Variants in MEF2C observed in about 807,000 individuals in gnomAD.
MEF2C encodes the protein myocyte-specific enhancer factor 2C.
In MEF2C, 6 loss-of-function variants were observed where a neutral mutation model predicts 50.5. That is an observed-to-expected ratio of 0.12 (90% confidence interval 0.07 to 0.23). MEF2C has a LOEUF of 0.23. Ranked by LOEUF, MEF2C falls within the 10% of genes least tolerant of loss-of-function variation. The probability of loss-of-function intolerance (pLI) is 1.00; values close to 1 mark genes in which losing one functional copy is unlikely to be tolerated. For synonymous variants in MEF2C, 183 were observed against 228.0 expected (o/e 0.80, Z 1.78); for missense variants, 276 against 605.0 (o/e 0.46, Z 5.70).
intron 1 of MEF2C, among the ~76,000 whole-genome samples, chr5:88,892,854 T>C (rs1834740421): frequency 6.6e-6 from 1 of 152,280 alleles, no homozygotes; most frequent in South Asian, 2.1e-4. Flanking sequence ...CCGCTCAGAT[T>C]GTCTCCTGAT....
intron 6 of MEF2C, chr5:88,746,650 C>T (rs1054374688): frequency 1.8e-5 from 18 of 985,300 alleles, no homozygotes; most frequent in Non-Finnish European, 1.9e-5. Flanking sequence ...TAGCAACATT[C>T]TGGCTGGCCT....
chr5:88,893,437 G>A (rs1437130411), intron 1 of MEF2C, among the ~76,000 whole-genome samples: 1 of 151,574 alleles, frequency 6.6e-6, no homozygotes, highest in African/African-American at 2.4e-5. Context: ...TGGCCAGGTT[G>A]GTCTTGAACT....
At chr5:88,812,570 T>C (rs1216970826) in intron 2 of MEF2C, among the ~76,000 whole-genome samples, 1 of 152,038 alleles carries the variant, frequency 6.6e-6, no homozygotes, top group African/African-American at 2.4e-5. Context: ...ATTTCTTATA[T>C]TATTTTTTAG....
intron 10 of MEF2C, among the ~76,000 whole-genome samples, chr5:88,723,520 G>C (rs1481138780): frequency 6.6e-6 from 1 of 152,116 alleles, no homozygotes; most frequent in South Asian, 2.1e-4. Flanking sequence ...AAGCTTTGGA[G>C]GTGGAAAAAA....
Position 88,800,362 on chromosome 5 carries a change from C to T in MEF2C, c.258+4236G>A, listed in dbSNP as rs148821258. On this transcript the variant is annotated intron_variant, in intron 3 of 10. Coordinates refer to ENST00000504921, the MANE Select transcript of MEF2C (RefSeq NM_002397.5). ...ATACTGCATTAATGAGGTTATTGTT[C>T]CTTTGCCGTCCAATTGTTCCCAAGC... 4.1e-4 allele frequency among the ~76,000 whole-genome samples: 62 copies of T among 152,302 alleles called. 1 individual carries two copies. The East Asian group carries it at 9.6e-3, about 24-fold the overall frequency.
At chr5:88,844,075 G>T (rs1818447320) in intron 1 of MEF2C, among the ~76,000 whole-genome samples, 1 of 152,158 alleles carries the variant, frequency 6.6e-6, no homozygotes, top group African/African-American at 2.4e-5. Context: ...TTCCCAAAGT[G>T]CTGGGATTAC....
At chr5:88,763,074 C>T (rs181365867) in intron 3 of MEF2C, among the ~76,000 whole-genome samples, 5 of 152,196 alleles carry the variant, frequency 3.3e-5, no homozygotes, top group Admixed American at 3.3e-4. Context: ...GCTATGATTT[C>T]TAATATATCT....
intron 1 of MEF2C, among the ~76,000 whole-genome samples, chr5:88,848,680 A>T (rs1282200995): frequency 1.3e-5 from 2 of 152,128 alleles, no homozygotes; most frequent in African/African-American, 2.4e-5. Context: ...AAAAAAATTG[A>T]CACTCCTGGG....
At chr5:88,808,358 G>A (rs577374779) in intron 2 of MEF2C, among the ~76,000 whole-genome samples, 1 of 152,188 alleles carries the variant, frequency 6.6e-6, no homozygotes, top group South Asian at 2.1e-4. Flanking sequence ...AATACAGTAT[G>A]GTTTCTGTTG....
chr5:88,728,408 G>A (rs753465937), intron 10 of MEF2C, 85 bp downstream of exon 10: 7 of 1,054,724 alleles, frequency 6.6e-6, no homozygotes, highest in Non-Finnish European at 8.7e-6. Context: ...CCCGTTAATG[G>A]GATATTGAAG....
intron 1 of MEF2C, among the ~76,000 whole-genome samples, chr5:88,865,348 G>A (rs1316551576): frequency 6.6e-6 from 1 of 152,080 alleles, no homozygotes; most frequent in African/African-American, 2.4e-5. Context: ...GTTTTCTAAC[G>A]AATTCTGCTT....
Position 88,804,682 on chromosome 5 carries a change from G to A in MEF2C, c.174C>T (p.Ala58=). The change falls in exon 3 of 11, where the codon GCC becomes GCT. Residue 58 remains alanine, a synonymous_variant. Coordinates refer to ENST00000504921, the MANE Select transcript of MEF2C (RefSeq NM_002397.5). ...GAAGCACTTTGTCCATGTCGGTGCTGGCATACTGGAACAGCTTGTTGGTGC... is the reference window on the plus strand; with the variant it reads ...GAAGCACTTTGTCCATGTCGGTGCTAGCATACTGGAACAGCTTGTTGGTGC... ...FNSTNKLFQY[A]STDMDKVLLK... 6.2e-7 allele frequency: 1 copy of A among 1,614,082 alleles called. No homozygotes were observed. Among genetic ancestry groups the A allele is most frequent in the South Asian group, 1.1e-5 (1 of 91,082 alleles).
At chr5:88,888,578 A>G (rs1488696499) in intron 1 of MEF2C, among the ~76,000 whole-genome samples, 5 of 152,324 alleles carry the variant, frequency 3.3e-5, no homozygotes, top group African/African-American at 9.6e-5. Context: ...GTCACTACCA[A>G]GTGATTTGGT....
At position 88,819,100 on chromosome 5, in the gene MEF2C, G is replaced by C. The variant is rs568386221; in HGVS notation, c.54+4635C>G. Among the ~76,000 whole-genome samples, 8 of 151,910 alleles carry C rather than the reference G, an allele frequency of 5.3e-5. No homozygotes were observed. In the South Asian group the frequency reaches 1.7e-3, roughly 32 times the overall value. Reference sequence around the variant, plus strand: ...AGAGGGTCTAAGTAACTTGCTAGAGGGTCACATAGCTAGTAAGTGGCAGAA... The same window carrying C: ...AGAGGGTCTAAGTAACTTGCTAGAGCGTCACATAGCTAGTAAGTGGCAGAA... On this transcript the variant is annotated intron_variant, in intron 2 of 10. Coordinates refer to ENST00000504921, the MANE Select transcript of MEF2C (RefSeq NM_002397.5).
At chr5:88,728,699 C>A (rs900770545) in intron 9 of MEF2C, 71 bp from the exon 10 acceptor site, 2 of 1,134,912 alleles carry the variant, frequency 1.8e-6, no homozygotes, top group Non-Finnish European at 2.3e-6. Context: ...ATAGAATAAA[C>A]ATTTTCAATT....
intron 1 of MEF2C, among the ~76,000 whole-genome samples, chr5:88,861,185 CA>C (rs1825382105): frequency 6.6e-6 from 1 of 152,214 alleles, no homozygotes; most frequent in Non-Finnish European, 1.5e-5. Context: ...AAAGATGTTT[CA>C]AAGTTGTAGA....
At chr5:88,879,941 C>T (rs1409124127) in intron 1 of MEF2C, among the ~76,000 whole-genome samples, 5 of 151,948 alleles carry the variant, frequency 3.3e-5, no homozygotes, top group Admixed American at 1.3e-4. Context: ...TTGTAACGTG[C>T]ATAGACTCTG....
chr5:88,785,314 A>ACACACG (rs1790345634), intron 3 of MEF2C: 1 of 147,502 alleles, frequency 6.8e-6, no homozygotes, highest in Non-Finnish European at 1.5e-5. Context: ...ACACACACAC[A>ACACACG]CACACGTATT....
chr5:88,806,914 CAT>C (rs924832202), intron 2 of MEF2C, among the ~76,000 whole-genome samples: 92 of 152,162 alleles, frequency 6.0e-4, no homozygotes, highest in African/African-American at 2.2e-3. Context: ...GACCAGTAGA[CAT>C]GTGTGGGCAC....
Sources: gnomAD v4.1 joint callset for allele counts (sites outside exome capture counted in the v4.1 genomes callset) on GRCh38, gnomAD v4.1.1 for gene constraint, MANE v1.5 for transcripts, NCBI Gene and HGNC (gene_info 2026-07-23, HGNC 2026-07-21) for gene names.